The following DNASE1 variants were observed in gnomAD, a reference collection of about 807,000 sequenced individuals.
DNASE1 encodes the protein deoxyribonuclease 1.
A neutral mutation model predicts 33.9 loss-of-function variants in DNASE1; 40 were observed. The ratio of observed to expected loss-of-function variants is 1.18; its 90% CI spans 0.92 to 1.54. The LOEUF is 1.54. Among genes scored for constraint, DNASE1 ranks in the 40% most tolerant of loss-of-function variants. The pLI, the probability that DNASE1 is intolerant of heterozygous loss-of-function variation, is 0.00. For missense variants in DNASE1, 518 were observed against 372.6 expected, an observed-to-expected ratio of 1.39 and a Z score of -3.21; for synonymous variants, 216 against 160.0, an observed-to-expected ratio of 1.35 and a Z score of -2.64.
chr16:3,640,881 C>G (rs1371468250), upstream of DNASE1: 1 of 398,500 alleles, frequency 2.5e-6, no homozygotes. Flanking sequence ...TGGGCTCAAG[C>G]GAGGACAGGA....
exon 10 of DNASE1, chr16:3,664,413 G>C (rs375882063): frequency 6.2e-7 from 1 of 1,612,200 alleles, no homozygotes; most frequent in Non-Finnish European, 8.5e-7. Flanking sequence ...TAGCTGCCCG[G>C]AGGGCAGCGC....
upstream of DNASE1, among the ~76,000 whole-genome samples, chr16:3,642,463 C>T (rs373026702): frequency 9.9e-5 from 15 of 152,150 alleles, no homozygotes; most frequent in African/African-American, 2.9e-4. Flanking sequence ...AACCAGCAGC[C>T]GGAGAGAGTG....
At chr16:3,658,255 TTATGAGGGGCATGGGGCACC>T (rs1567215290), downstream of DNASE1, 1 of 1,580,146 alleles carries the variant, frequency 6.3e-7, no homozygotes, top group African/African-American at 1.4e-5. Flanking sequence ...GAGAAACCCA[TTATGAGGGGCATGGGGCACC>T]TTTTCATTTT....
At chr16:3,658,574 G>A (rs945365977), downstream of DNASE1, 2 of 584,150 alleles carry the variant, frequency 3.4e-6, no homozygotes, top group Admixed American at 3.1e-5. Context: ...TCGGGAGGCT[G>A]AGGCAGGGGA....
In DNASE1 at chr16:3,637,359, C is replaced by G. The variant is rs1387521059; in HGVS notation, c.-1358-3356C>G. On this transcript the variant is annotated intron_variant and NMD_transcript_variant, in intron 1 of 11. Transcript: ENST00000570769. ...CTATTCTCTTGTTATTATATAGGAG[C>G]CCTATTTATGTGGTGGGAAGGAGGG... Among the ~76,000 whole-genome samples the G allele has an allele frequency of 3.9e-5, 6 of 152,234 alleles. No homozygotes were observed. In the South Asian group the frequency reaches 1.2e-3, roughly 32 times the overall value.
At position 3,655,904 on chromosome 16, in the gene DNASE1, C is replaced by G. The variant is rs1209397032; in HGVS notation, c.203C>G (p.Thr68Ser). 1 of 1,614,078 alleles carries G rather than the reference C, an allele frequency of 6.2e-7. No individual in the cohort carries two copies. The highest frequency in any genetic ancestry group is 1.1e-5 in the South Asian group (1 of 91,084). The change falls in exon 3 of 9, where the codon ACT becomes AGT. Residue 68 changes from threonine (T) to serine (S), a missense_variant. By Grantham distance (58) the Thr-to-Ser change is moderately conservative. Transcript: ENST00000246949. Reference protein sequence around the residue: ...LVQEVRDSHLTAVGKLLDNLN... With the variant: ...LVQEVRDSHLSAVGKLLDNLN... ...CAGGAGGTCAGAGACAGCCACCTGA[C>G]TGCCGTGGGGAAGCTGCTGGACAAC...
chr16:3,620,631 A>T (rs1310381182), intron 1 of DNASE1, among the ~76,000 whole-genome samples: 7 of 152,126 alleles, frequency 4.6e-5, no homozygotes, highest in Admixed American at 6.5e-5. Context: ...TCCCCTGTTG[A>T]TAAAGATATA....
chr16:3,625,555 C>T (rs1039007817), intron 1 of DNASE1, among the ~76,000 whole-genome samples: 3 of 148,410 alleles, frequency 2.0e-5, no homozygotes, highest in East Asian at 2.0e-4. Flanking sequence ...CCCAGGAGGT[C>T]GAGGCTGCAG....
chr16:3,615,473 A>G lies in DNASE1; in HGVS notation c.-1359+3467A>G, dbSNP rs184145886. Among the ~76,000 whole-genome samples, 118 of 152,298 alleles carry G rather than the reference A, an allele frequency of 7.7e-4. No individual in the cohort carries two copies. In the Middle Eastern group the frequency reaches 0.01, roughly 13 times the overall value. ...CTAAGTTGAGGGGCAGTGTTCAGAA[A>G]CAGTGTTACTAGATGGATGTTATTT... On this transcript the variant is annotated intron_variant and NMD_transcript_variant, in intron 1 of 11. Transcript: ENST00000570769.
chr16:3,639,510 C>G (rs1462038939), upstream of DNASE1, among the ~76,000 whole-genome samples: 2 of 152,190 alleles, frequency 1.3e-5, no homozygotes, highest in Non-Finnish European at 2.9e-5. Flanking sequence ...ACAGCCCAGT[C>G]GACGTCATCA....
upstream of DNASE1, chr16:3,654,317 G>A (rs931967079): frequency 2.0e-5 from 8 of 398,488 alleles, no homozygotes; most frequent in Non-Finnish European, 3.1e-5. Context: ...TGGCCCCACG[G>A]CGCTGGTGCT....
intron 1 of DNASE1, among the ~76,000 whole-genome samples, chr16:3,627,180 A>G (rs1374818803): frequency 1.3e-5 from 2 of 150,888 alleles, no homozygotes; most frequent in African/African-American, 4.9e-5. Context: ...CCTCTTTATC[A>G]CTGGTAATTT....
chr16:3,658,272 C>T (rs1033444894), downstream of DNASE1: 10 of 1,464,092 alleles, frequency 6.8e-6, no homozygotes, highest in Non-Finnish European at 8.4e-6. Context: ...GGGCATGGGG[C>T]ACCTTTTCAT....
chr16:3,650,775 C>T, upstream of DNASE1: 1 of 152,130 alleles, frequency 6.6e-6, no homozygotes, highest in Non-Finnish European at 1.5e-5. Context: ...ATGTGTGTGC[C>T]TGTCGAGCAC....
At chr16:3,612,156 C>G (rs1035478612) in intron 1 of DNASE1, 1 of 152,518 alleles carries the variant, frequency 6.6e-6, no homozygotes, top group Non-Finnish European at 1.5e-5. Flanking sequence ...GGAAAGGTAG[C>G]AGAGGTTTGC....
At chr16:3,633,556 C>T (rs937529107) in intron 1 of DNASE1, among the ~76,000 whole-genome samples, 1 of 150,464 alleles carries the variant, frequency 6.6e-6, no homozygotes, top group Non-Finnish European at 1.5e-5. Context: ...TGCAGTGAGC[C>T]GAGATGGCGC....
At chr16:3,642,054 C>G (rs925947145), upstream of DNASE1, among the ~76,000 whole-genome samples, 12 of 152,178 alleles carry the variant, frequency 7.9e-5, no homozygotes, top group Admixed American at 7.9e-4. Flanking sequence ...GGCAGTGGCC[C>G]CAGGACTGTG....
At chr16:3,612,982 G>C (rs977287287) in intron 1 of DNASE1, among the ~76,000 whole-genome samples, 1 of 152,134 alleles carries the variant, frequency 6.6e-6, no homozygotes, top group African/African-American at 2.4e-5. Flanking sequence ...CAGACAATAT[G>C]TTTTTTAAAA....
chr16:3,616,789 A>G (rs1467066885), intron 1 of DNASE1, among the ~76,000 whole-genome samples: 2 of 152,198 alleles, frequency 1.3e-5, no homozygotes, highest in African/African-American at 4.8e-5. Flanking sequence ...GTACCAGCAT[A>G]AGGATAGACA....
Sources: gnomAD v4.1 joint callset for allele counts (sites outside exome capture counted in the v4.1 genomes callset) on GRCh38, gnomAD v4.1.1 for gene constraint, MANE v1.5 for transcripts, NCBI Gene and HGNC (gene_info 2026-07-23, HGNC 2026-07-21) for gene names.